LDLRAD3: variants seen among roughly 807,000 people sequenced by gnomAD.
LDLRAD3 encodes the protein low-density lipoprotein receptor class A domain-containing protein 3.
In LDLRAD3, 20 loss-of-function variants were observed where a neutral mutation model predicts 29.4. The observed-to-expected ratio is 0.68, with a 90% confidence interval of 0.48 to 0.99. The LOEUF is 0.99. LDLRAD3 is among the 50% of genes least tolerant of loss of function. The pLI, the probability that LDLRAD3 is intolerant of heterozygous loss-of-function variation, is 0.00. For synonymous variants in LDLRAD3, 157 were observed against 192.7 expected, an observed-to-expected ratio of 0.81 and a Z score of 1.53; for missense variants, 420 against 454.3, an observed-to-expected ratio of 0.92 and a Z score of 0.69.
intron 4 of LDLRAD3, among the ~76,000 whole-genome samples, chr11:36,103,860 A>G (rs1049427454): frequency 6.6e-5 from 10 of 152,200 alleles, no homozygotes; most frequent in Admixed American, 5.2e-4. Flanking sequence ...GTTGTAGCCT[A>G]TCTCAGAATT....
At chr11:36,157,120 T>G (rs1854364842) in intron 4 of LDLRAD3, among the ~76,000 whole-genome samples, 2 of 152,204 alleles carry the variant, frequency 1.3e-5, no homozygotes, top group Non-Finnish European at 2.9e-5. Flanking sequence ...TCTTTTGGTC[T>G]CCTGCTGGAA....
At chr11:36,227,061 T>C in intron 4 of LDLRAD3, 24 bp from the exon 5 acceptor site, 1 of 1,525,726 alleles carries the variant, frequency 6.6e-7, no homozygotes, top group Non-Finnish European at 8.9e-7. Context: ...TTCTCTCTTT[T>C]CTCTCCTCTC....
chr11:35,954,932 G>T (rs1233580846), intron 1 of LDLRAD3, among the ~76,000 whole-genome samples: 1 of 152,212 alleles, frequency 6.6e-6, no homozygotes, highest in African/African-American at 2.4e-5. Context: ...AGGTCACCAA[G>T]AGGAAATAAA....
At chr11:36,150,896 C>T (rs1416364463) in intron 4 of LDLRAD3, among the ~76,000 whole-genome samples, 1 of 152,182 alleles carries the variant, frequency 6.6e-6, no homozygotes, top group African/African-American at 2.4e-5. Context: ...TCCTGACCTC[C>T]AGTCCTTGTC....
At chr11:36,013,884 T>C (rs1851987656) in intron 1 of LDLRAD3, among the ~76,000 whole-genome samples, 1 of 152,076 alleles carries the variant, frequency 6.6e-6, no homozygotes, top group African/African-American at 2.4e-5. Flanking sequence ...TGCTGCCCCA[T>C]AGATAAGTGT....
intron 4 of LDLRAD3, among the ~76,000 whole-genome samples, chr11:36,185,245 A>G (rs1854829351): frequency 1.3e-5 from 2 of 150,766 alleles, no homozygotes; most frequent in Non-Finnish European, 2.9e-5. Context: ...CAGATCTTTC[A>G]CCTTTGTTCT....
intron 3 of LDLRAD3, among the ~76,000 whole-genome samples, chr11:36,093,885 C>T (rs748718340): frequency 1.3e-5 from 2 of 150,924 alleles, no homozygotes; most frequent in Non-Finnish European, 3.0e-5. Context: ...GGAGTCCATG[C>T]TGATTGGTTT....
At chr11:35,958,487 C>T (rs1396093038) in intron 1 of LDLRAD3, among the ~76,000 whole-genome samples, 6 of 152,150 alleles carry the variant, frequency 3.9e-5, no homozygotes, top group Admixed American at 1.3e-4. Flanking sequence ...GTAGTAGTCC[C>T]CACTCACTAA....
chr11:35,983,431 T>C (rs746565423), intron 1 of LDLRAD3, among the ~76,000 whole-genome samples: 2 of 152,190 alleles, frequency 1.3e-5, no homozygotes, highest in Non-Finnish European at 2.9e-5. Flanking sequence ...ACAAACCGCA[T>C]GGACCTGTTT....
intron 4 of LDLRAD3, among the ~76,000 whole-genome samples, chr11:36,162,830 A>T (rs926964855): frequency 2.6e-5 from 4 of 152,214 alleles, no homozygotes; most frequent in African/African-American, 9.6e-5. Context: ...CTAACTTTGC[A>T]GCTTCCCCCA....
At chr11:35,989,817 G>T (rs969416204) in intron 1 of LDLRAD3, among the ~76,000 whole-genome samples, 1 of 152,136 alleles carries the variant, frequency 6.6e-6, no homozygotes, top group Non-Finnish European at 1.5e-5. Context: ...AGTCTTTAGG[G>T]TTCTCTAGGT....
intron 1 of LDLRAD3, among the ~76,000 whole-genome samples, chr11:36,014,594 C>T (rs184704636): frequency 9.5e-4 from 144 of 152,216 alleles, no homozygotes; most frequent in Non-Finnish European, 1.6e-3. Context: ...ACTTTGCTGG[C>T]GAGGTGAAAT....
At chr11:36,147,504 C>T (rs1282000837) in intron 4 of LDLRAD3, among the ~76,000 whole-genome samples, 2 of 152,200 alleles carry the variant, frequency 1.3e-5, no homozygotes, top group Non-Finnish European at 2.9e-5. Context: ...TTCCTTAACT[C>T]AATTACATCT....
chr11:36,191,593 T>C (rs1854949968), intron 4 of LDLRAD3, among the ~76,000 whole-genome samples: 1 of 107,546 alleles, frequency 9.3e-6, no homozygotes, highest in Admixed American at 9.1e-5. Flanking sequence ...TATATATATA[T>C]ATATATACAC....
In LDLRAD3 at chr11:36,103,939, T is replaced by C. The variant is rs148385504; in HGVS notation, c.454+5478T>C. 5.0e-4 allele frequency among the ~76,000 whole-genome samples: 76 copies of C among 152,352 alleles called. No homozygotes were observed. The East Asian group carries it at 0.011, about 22-fold the overall frequency. On this transcript the variant is annotated intron_variant, in intron 4 of 5. Transcript: ENST00000315571. ...CACATTTGGTTTATCCATTCATCCA[T>C]TGATGGACACTTAGGTTGCTTCCAC...
chr11:35,952,188 G>C lies in LDLRAD3; in HGVS notation c.46+8044G>C, dbSNP rs1386352493. Reference sequence around the variant, plus strand: ...ACTTTCCTAAACCTTCGACCAGTAAGAGATAGTTTCAGAATTGGCACGTGG... The same window carrying C: ...ACTTTCCTAAACCTTCGACCAGTAACAGATAGTTTCAGAATTGGCACGTGG... On this transcript the variant is annotated intron_variant, in intron 1 of 5. Transcript: ENST00000315571. Among the ~76,000 whole-genome samples, 6 of 152,224 alleles carry C rather than the reference G, an allele frequency of 3.9e-5. No homozygotes were observed. In the East Asian group the frequency reaches 1.2e-3, roughly 29 times the overall value.
chr11:35,989,483 T>C (rs955416851), intron 1 of LDLRAD3, among the ~76,000 whole-genome samples: 3 of 152,238 alleles, frequency 2.0e-5, no homozygotes, highest in Non-Finnish European at 4.4e-5. Flanking sequence ...ATTTTAACAA[T>C]GTTGATTATT....
intron 1 of LDLRAD3, among the ~76,000 whole-genome samples, chr11:35,977,757 G>T (rs1851493564): frequency 6.6e-6 from 1 of 152,140 alleles, no homozygotes; most frequent in Non-Finnish European, 1.5e-5. Context: ...GTCTGGTGAG[G>T]GCGCTCTGCT....
At chr11:36,156,273 T>C (rs987687185) in intron 4 of LDLRAD3, among the ~76,000 whole-genome samples, 3 of 152,186 alleles carry the variant, frequency 2.0e-5, no homozygotes, top group Admixed American at 1.3e-4. Flanking sequence ...TTGTGATTCC[T>C]TTGGAGTGGC....
Sources: allele counts gnomAD v4.1 joint callset (sites outside exome capture counted in the v4.1 genomes callset), GRCh38; gene constraint gnomAD v4.1.1; transcripts MANE v1.5; gene names NCBI Gene and HGNC (gene_info 2026-07-23, HGNC 2026-07-21).